Variants in NLK observed in about 807,000 individuals in gnomAD.
NLK encodes serine/threonine-protein kinase NLK.
In NLK, 11 loss-of-function variants were observed where a neutral mutation model predicts 59.0. The ratio of observed to expected loss-of-function variants is 0.19; its 90% confidence interval spans 0.12 to 0.31. The LOEUF is 0.31. Among genes scored for constraint, NLK ranks in the 10% least tolerant of loss-of-function variants. The pLI is 1.00. For synonymous variants in NLK, 235 were observed against 235.9 expected (o/e 1.00, Z 0.03); for missense variants, 410 against 661.1 (o/e 0.62, Z 4.16).
chr17:28,093,414 C>T (rs929826890), intron 1 of NLK, among the ~76,000 whole-genome samples: 1 of 152,106 alleles, frequency 6.6e-6, no homozygotes, highest in South Asian at 2.1e-4. Context: ...AACTCTCCCT[C>T]GGTATCTTAA....
At chr17:28,091,464 T>C (rs1224068442) in intron 1 of NLK, among the ~76,000 whole-genome samples, 1 of 150,660 alleles carries the variant, frequency 6.6e-6, no homozygotes, top group Admixed American at 6.6e-5. Flanking sequence ...GTCTAAAATA[T>C]ATAATTATAT....
intron 1 of NLK, 72 bp from the exon 2 acceptor site, chr17:28,122,531 A>G: frequency 6.6e-7 from 1 of 1,513,440 alleles, no homozygotes; most frequent in South Asian, 1.2e-5. Flanking sequence ...ATGATCTGAA[A>G]CATTGGAAAA....
At chr17:28,172,985 G>A (rs1908525236) in intron 7 of NLK, among the ~76,000 whole-genome samples, 4 of 152,036 alleles carry the variant, frequency 2.6e-5, no homozygotes, top group Non-Finnish European at 4.4e-5. Flanking sequence ...AAAATACCTC[G>A]TATTTCTTAT....
chr17:28,061,848 A>T (rs1395231206), intron 1 of NLK: 3 of 145,540 alleles, frequency 2.1e-5, no homozygotes, highest in South Asian at 2.1e-4. Flanking sequence ...ACATATATAT[A>T]ATATATAATA....
intron 1 of NLK, among the ~76,000 whole-genome samples, chr17:28,095,411 T>C (rs1211090205): frequency 6.6e-6 from 1 of 152,152 alleles, no homozygotes; most frequent in Non-Finnish European, 1.5e-5. Flanking sequence ...TGTGATGGAA[T>C]TGTATTACTT....
At chr17:28,139,330 C>T (rs1372370867) in intron 3 of NLK, among the ~76,000 whole-genome samples, 1 of 152,160 alleles carries the variant, frequency 6.6e-6, no homozygotes, top group Non-Finnish European at 1.5e-5. Flanking sequence ...TTTTAGTTTC[C>T]TACTGAATTA....
At chr17:28,072,273 C>T (rs564008087) in intron 1 of NLK, among the ~76,000 whole-genome samples, 3 of 151,492 alleles carry the variant, frequency 2.0e-5, no homozygotes, top group East Asian at 3.9e-4. Flanking sequence ...TTAAGGGAAA[C>T]ACTTAATTCA....
chr17:28,108,710 C>T (rs1238082918), intron 1 of NLK, among the ~76,000 whole-genome samples: 1 of 152,122 alleles, frequency 6.6e-6, no homozygotes, highest in Non-Finnish European at 1.5e-5. Flanking sequence ...AAGTTGTACC[C>T]TGGCTGGTGG....
intron 3 of NLK, among the ~76,000 whole-genome samples, chr17:28,143,201 A>G (rs936826319): frequency 1.9e-4 from 29 of 152,038 alleles, no homozygotes; most frequent in African/African-American, 7.0e-4. Flanking sequence ...ATGCCAGCAC[A>G]CCAGGCTAAT....
In NLK at chr17:28,179,111, C is replaced by G. The variant is rs377727377; in HGVS notation, c.1150-6068C>G. 4.6e-5 allele frequency among the ~76,000 whole-genome samples: 7 copies of G among 152,286 alleles called. No individual in the cohort carries two copies. The South Asian group carries it at 1.4e-3, about 32-fold the overall frequency. ...TTCAGCACTGGCACCCACTCACTCC[C>G]ACATTGCTAAGTTACTTATAAACTT... On this transcript the variant is annotated intron_variant, in intron 7 of 10. Coordinates refer to ENST00000407008, the MANE Select transcript of NLK (RefSeq NM_016231.5).
At chr17:28,099,568 C>CTTTTTTTTTTTT (rs945214545) in intron 1 of NLK, among the ~76,000 whole-genome samples, 4 of 122,940 alleles carry the variant, frequency 3.3e-5, no homozygotes, top group African/African-American at 1.0e-4. Context: ...TTGTGTTTGA[C>CTTTTTTTTTTTT]TTTTTTTTTT....
chr17:28,104,471 G>C (rs1275900183), intron 1 of NLK, among the ~76,000 whole-genome samples: 1 of 152,180 alleles, frequency 6.6e-6, no homozygotes, highest in Non-Finnish European at 1.5e-5. Flanking sequence ...GGTCAGGCTG[G>C]TCTCGAACTC....
intron 8 of NLK, among the ~76,000 whole-genome samples, chr17:28,185,795 C>T (rs996734272): frequency 1.3e-5 from 2 of 152,038 alleles, no homozygotes; most frequent in Admixed American, 6.6e-5. Flanking sequence ...GCCTCAGCCC[C>T]GCAAAGTGCT....
chr17:28,186,652 A>C (rs1037832712), intron 8 of NLK, among the ~76,000 whole-genome samples: 1 of 152,132 alleles, frequency 6.6e-6, no homozygotes, highest in Non-Finnish European at 1.5e-5. Flanking sequence ...AAAGAGAGAG[A>C]GCTTGTGCAG....
At chr17:28,130,240 A>G (rs1906462126) in intron 2 of NLK, among the ~76,000 whole-genome samples, 1 of 152,170 alleles carries the variant, frequency 6.6e-6, no homozygotes, top group Non-Finnish European at 1.5e-5. Context: ...GGTGTCAGGC[A>G]TGAAGTCTGG....
chr17:28,099,827 C>G (rs1000077627), intron 1 of NLK, among the ~76,000 whole-genome samples: 2 of 152,010 alleles, frequency 1.3e-5, no homozygotes, highest in African/African-American at 4.8e-5. Flanking sequence ...ATCCACCCGC[C>G]TCGGCCTCCC....
intron 1 of NLK, among the ~76,000 whole-genome samples, chr17:28,075,268 G>C (rs576723873): frequency 6.6e-6 from 1 of 152,174 alleles, no homozygotes; most frequent in Admixed American, 6.6e-5. Context: ...AAGGTGATTC[G>C]TGTGAAACTA....
chr17:28,151,248 G>C (rs186779388), intron 3 of NLK, among the ~76,000 whole-genome samples: 1 of 152,226 alleles, frequency 6.6e-6, no homozygotes, highest in African/African-American at 2.4e-5. Context: ...CATTATGCTG[G>C]GGATTGAGAC....
At chr17:28,175,910 T>G (rs1908657899) in intron 7 of NLK, among the ~76,000 whole-genome samples, 1 of 152,210 alleles carries the variant, frequency 6.6e-6, no homozygotes, top group Admixed American at 6.5e-5. Flanking sequence ...TATTAATATT[T>G]TTAACACCTT....
Sources: allele counts gnomAD v4.1 joint callset (sites outside exome capture counted in the v4.1 genomes callset), GRCh38; gene constraint gnomAD v4.1.1; transcripts MANE v1.5; gene names NCBI Gene and HGNC (gene_info 2026-07-23, HGNC 2026-07-21).